EFR3B: variants seen among roughly 807,000 people sequenced by gnomAD.
EFR3B encodes EFR3 homolog B.
A neutral mutation model predicts 104.7 loss-of-function variants in EFR3B; 64 were observed. The ratio of observed to expected loss-of-function variants is 0.61; its 90% CI spans 0.50 to 0.75. The LOEUF (loss-of-function observed/expected upper bound fraction) is 0.75, where lower values mean the gene tolerates loss of function less well. Ranked by LOEUF, EFR3B falls within the 30% of genes least tolerant of loss-of-function variation. EFR3B has a pLI of 0.00. For missense variants in EFR3B, 750 were observed against 1,078.5 expected, an observed-to-expected ratio of 0.70 and a Z score of 4.27; for synonymous variants, 385 against 417.9, an observed-to-expected ratio of 0.92 and a Z score of 0.96.
At chr2:25,053,030 G>A (rs1306539309) in intron 1 of EFR3B, among the ~76,000 whole-genome samples, 5 of 152,160 alleles carry the variant, frequency 3.3e-5, no homozygotes, top group African/African-American at 9.6e-5. Context: ...CCAGAGTGTG[G>A]ACTCAGCCTC....
At chr2:25,055,871 T>G (rs1389415449) in intron 1 of EFR3B, among the ~76,000 whole-genome samples, 1 of 152,204 alleles carries the variant, frequency 6.6e-6, no homozygotes, top group African/African-American at 2.4e-5. Flanking sequence ...CTCTACTGTA[T>G]CTTAGAGTTT....
At chr2:25,129,349 C>CGGGGGCGGGGGCG (rs1226225092) in intron 6 of EFR3B, among the ~76,000 whole-genome samples, 7 of 16,038 alleles carry the variant, frequency 4.4e-4, no homozygotes, top group Admixed American at 1.0e-3. Flanking sequence ...GGGGCGGGGG[C>CGGGGGCGGGGGCG]GGGGCGTGGG....
chr2:25,096,474 G>A (rs1406003144), intron 3 of EFR3B, among the ~76,000 whole-genome samples: 2 of 152,142 alleles, frequency 1.3e-5, no homozygotes, highest in African/African-American at 4.8e-5. Flanking sequence ...ATACTGCTAT[G>A]TATGATCTTT....
rs1670289720 is a variant in EFR3B, at chr2:25,130,164, G to A, written c.770+55G>A. On this transcript the variant is annotated intron_variant, in intron 7 of 22. Coordinates refer to ENST00000403714, the MANE Select transcript of EFR3B (RefSeq NM_014971.2). This position sits in a 1 kb window ranked among gnomAD's most constrained non-coding sequence, Gnocchi z 4.6. ...CAGCCTTCAGCCTGGATGTGTTTCAGGTCCCTGGCATCTCCTGGCTGGCTG... is the reference window on the plus strand; with the variant it reads ...CAGCCTTCAGCCTGGATGTGTTTCAAGTCCCTGGCATCTCCTGGCTGGCTG... 8 of 1,548,376 alleles carry A rather than the reference G, an allele frequency of 5.2e-6. No individual in the cohort carries two copies. Among genetic ancestry groups the A allele is most frequent in the Admixed American group, 2.0e-5 (1 of 50,874 alleles).
intron 5 of EFR3B, 72 bp downstream of exon 5, chr2:25,121,866 C>T: frequency 6.5e-7 from 1 of 1,540,570 alleles, no homozygotes; most frequent in Non-Finnish European, 8.8e-7. Context: ...TAGATAACTT[C>T]CAACCTGCCA....
intron 5 of EFR3B, among the ~76,000 whole-genome samples, chr2:25,125,954 A>G (rs1670157096): frequency 6.6e-6 from 1 of 152,244 alleles, no homozygotes. Context: ...GAAGTTAAAA[A>G]TGCAACTGGC....
intron 1 of EFR3B, among the ~76,000 whole-genome samples, chr2:25,072,513 C>T (rs780290610): frequency 4.6e-5 from 7 of 152,082 alleles, no homozygotes; most frequent in Admixed American, 1.3e-4. Context: ...AACTCCTGGG[C>T]CCAAGCGATC....
intron 3 of EFR3B, among the ~76,000 whole-genome samples, chr2:25,097,625 A>G (rs973739689): frequency 2.6e-5 from 4 of 151,998 alleles, no homozygotes; most frequent in African/African-American, 4.8e-5. Context: ...GGGCAGCCCA[A>G]TGTGGGCAGA....
At chr2:25,085,507 C>T (rs1309496925) in intron 1 of EFR3B, among the ~76,000 whole-genome samples, 1 of 152,036 alleles carries the variant, frequency 6.6e-6, no homozygotes, top group East Asian at 1.9e-4. Context: ...TTCTGTTGCC[C>T]AGGCTGGAGT....
In EFR3B at chr2:25,103,790, A is replaced by G; in HGVS notation, c.363+3A>G. 6.4e-7 allele frequency: 1 copy of G among 1,551,292 alleles called. No homozygotes were observed. Among genetic ancestry groups the G allele is most frequent in the Non-Finnish European group, 8.7e-7 (1 of 1,146,766 alleles). On this transcript the variant is annotated splice_donor_region_variant and intron_variant, in intron 4 of 22. Transcript: ENST00000403714. Reference sequence around the variant, plus strand: ...TGCAGATCCTCGGCACCAACTCGGTAAGGAGCGGCCCAGGGGGCTCCAGGT... The same window carrying G: ...TGCAGATCCTCGGCACCAACTCGGTGAGGAGCGGCCCAGGGGGCTCCAGGT...
Position 25,131,314 on chromosome 2 carries a change from G to A in EFR3B, c.850-54G>A. The stretch of plus-strand genomic sequence containing the variant: ...TTGGGTGCCAGGAGAGGGCTGCGCA[G>A]CCCAGGGACCCCGTGGGGTTGCTGT... On this transcript the variant is annotated intron_variant, in intron 8 of 22. Transcript: ENST00000403714. The surrounding 1 kb of genome is among the most constrained non-coding windows in gnomAD (Gnocchi z 7.6). The A allele has an allele frequency of 6.5e-7, 1 of 1,537,008 alleles. No homozygotes were observed. The highest frequency in any genetic ancestry group is 1.2e-5 in the South Asian group (1 of 83,206).
At chr2:25,116,715 G>A (rs1346172249) in intron 4 of EFR3B, among the ~76,000 whole-genome samples, 2 of 151,768 alleles carry the variant, frequency 1.3e-5, no homozygotes, top group East Asian at 1.9e-4. Flanking sequence ...TCATGGAGCC[G>A]CAGAAGGAGA....
At chr2:25,093,522 G>T (rs1211467030) in intron 3 of EFR3B, among the ~76,000 whole-genome samples, 2 of 151,908 alleles carry the variant, frequency 1.3e-5, no homozygotes, top group African/African-American at 2.4e-5. Context: ...AAAAGAAATA[G>T]ATTATCAAAC....
At chr2:25,107,627 T>C (rs898113927) in intron 4 of EFR3B, among the ~76,000 whole-genome samples, 2 of 152,116 alleles carry the variant, frequency 1.3e-5, no homozygotes, top group Admixed American at 1.3e-4. Context: ...TTATTCTTTC[T>C]TTCTTCTCTC....
Position 25,042,295 on chromosome 2 carries a change from G to T in EFR3B, c.-18G>T. 1 of 1,294,414 alleles carries T rather than the reference G, an allele frequency of 7.7e-7. No homozygotes were observed. The highest frequency in any genetic ancestry group is 9.8e-7 in the Non-Finnish European group (1 of 1,023,522). 80.2% of individuals were successfully genotyped at this position (1,294,414 alleles called of 1,614,324 possible). ...CCGCAGCGACGCCGGCCTCTCGAGAGGCGCGCGCCCCGCCGAGATGTACGG... is the reference window on the plus strand; with the variant it reads ...CCGCAGCGACGCCGGCCTCTCGAGATGCGCGCGCCCCGCCGAGATGTACGG... On this transcript the variant is annotated 5_prime_UTR_variant, in exon 1 of 23. It adds an upstream start codon to the 5' untranslated region. Transcript: ENST00000403714. This position sits in a 1 kb window ranked among gnomAD's most constrained non-coding sequence, Gnocchi z 5.4.
chr2:25,136,718 C>T lies in EFR3B; in HGVS notation c.1560+120C>T. On this transcript the variant is annotated intron_variant, in intron 14 of 22. Coordinates refer to ENST00000403714, the MANE Select transcript of EFR3B (RefSeq NM_014971.2). This position sits in a 1 kb window ranked among gnomAD's most constrained non-coding sequence, Gnocchi z 4.0. ...ATCACTTGAGGTGGGGAGCTCGAGA[C>T]CAGCCAGACCAACATGGTAAAATCC... 4 of 758,120 alleles carry T rather than the reference C, an allele frequency of 5.3e-6. No homozygotes were observed. Among genetic ancestry groups the T allele is most frequent in the Non-Finnish European group, 8.7e-6 (4 of 461,484 alleles). 47.0% of individuals were successfully genotyped at this position (758,120 alleles called of 1,614,324 possible).
intron 11 of EFR3B, 109 bp from the exon 12 acceptor site, chr2:25,133,274 C>T: frequency 1.6e-6 from 2 of 1,241,932 alleles, no homozygotes; most frequent in African/African-American, 3.0e-5. Context: ...CTGGGTAACC[C>T]AACACGATAA....
intron 3 of EFR3B, among the ~76,000 whole-genome samples, chr2:25,098,831 ATTTTTTT>A (rs11416666): frequency 1.4e-4 from 12 of 83,812 alleles, no homozygotes; most frequent in Admixed American, 2.8e-4. Context: ...TAAGTAGCCA[ATTTTTTT>A]TTTTTTTTTT....
intron 6 of EFR3B, 141 bp from the exon 7 acceptor site, chr2:25,129,834 T>C (rs950769785): frequency 5.4e-6 from 6 of 1,105,346 alleles, no homozygotes; most frequent in African/African-American, 4.7e-5. Context: ...CTGACAGCTG[T>C]GACGCCTCCC....
Sources: gnomAD v4.1 joint callset for allele counts (sites outside exome capture counted in the v4.1 genomes callset) on GRCh38, gnomAD v4.1.1 for gene constraint, Gnocchi (gnomAD v3.1) non-coding constraint, MANE v1.5 for transcripts, NCBI Gene and HGNC (gene_info 2026-07-23, HGNC 2026-07-21) for gene names.